Variants in FBXL20 observed in about 807,000 individuals in gnomAD.
FBXL20 encodes the protein F-box and leucine rich repeat protein 20.
Under a neutral mutation model 64.0 loss-of-function variants are expected in FBXL20, and 11 were observed. That is an observed-to-expected ratio of 0.17 (90% CI 0.11 to 0.28). FBXL20 has a LOEUF of 0.28. FBXL20 is among the 10% of genes least tolerant of loss of function. The pLI is 1.00. For missense variants in FBXL20, 303 were observed against 526.2 expected (o/e 0.58, Z 4.15); for synonymous variants, 184 against 189.0 (o/e 0.97, Z 0.22).
At chr17:39,358,500 T>C (rs376414418) in intron 1 of FBXL20, among the ~76,000 whole-genome samples, 9 of 152,074 alleles carry the variant, frequency 5.9e-5, no homozygotes, top group Admixed American at 3.3e-4. Flanking sequence ...CTGGCCAACA[T>C]GGCGAAACCC....
At chr17:39,327,845 C>T (rs967906945) in intron 2 of FBXL20, among the ~76,000 whole-genome samples, 9 of 152,044 alleles carry the variant, frequency 5.9e-5, no homozygotes, top group Non-Finnish European at 1.2e-4. Flanking sequence ...GGACTATAGG[C>T]GCCTGCCACC....
chr17:39,402,217 C>A, upstream of FBXL20: 3 of 1,232,074 alleles, frequency 2.4e-6, no homozygotes, highest in Non-Finnish European at 3.0e-6. Flanking sequence ...CTGCTCGGAG[C>A]CATTTTCCTC....
intron 2 of FBXL20, among the ~76,000 whole-genome samples, chr17:39,310,668 G>C (rs990314002): frequency 6.6e-6 from 1 of 151,888 alleles, no homozygotes; most frequent in Non-Finnish European, 1.5e-5. Context: ...GGGCAACACG[G>C]TGAGACCCTA....
chr17:39,349,346 A>G (rs1020527308), intron 1 of FBXL20, among the ~76,000 whole-genome samples: 3 of 148,388 alleles, frequency 2.0e-5, no homozygotes, highest in Admixed American at 6.7e-5. Flanking sequence ...AAAAAAAAAA[A>G]AAAAAAGGCT....
chr17:39,267,563 A>T (rs940230569), intron 12 of FBXL20, among the ~76,000 whole-genome samples: 2 of 152,222 alleles, frequency 1.3e-5, no homozygotes, highest in African/African-American at 4.8e-5. Flanking sequence ...ACTACTCAGT[A>T]TCGATAACTT....
chr17:39,308,876 A>T (rs573144923), intron 2 of FBXL20, among the ~76,000 whole-genome samples: 3 of 152,074 alleles, frequency 2.0e-5, no homozygotes, highest in South Asian at 2.1e-4. Flanking sequence ...ACAATAAAAA[A>T]TTTTTTAAAA....
chr17:39,374,672 C>T (rs2047950002), intron 1 of FBXL20, among the ~76,000 whole-genome samples: 1 of 152,186 alleles, frequency 6.6e-6, no homozygotes, highest in South Asian at 2.1e-4. Context: ...ACTAATTATA[C>T]ATCTTCTAAA....
In FBXL20 at chr17:39,258,602, T is replaced by C. The variant is rs2046715353; in HGVS notation, c.*2858A>G. On this transcript the variant is annotated 3_prime_UTR_variant, in exon 15 of 15. Coordinates refer to ENST00000264658, the MANE Select transcript of FBXL20 (RefSeq NM_032875.3). ...ATATCCTTTGAGCAGAGAAACAGCA[T>C]TTCCAAGATCATCATGAACTGATGA... is the stretch of plus-strand genomic sequence containing the variant. 1.3e-5 allele frequency: 2 copies of C among 152,230 alleles called. No homozygotes were observed. The highest frequency in any genetic ancestry group is 4.8e-5 in the African/African-American group (2 of 41,468). The allele number at this position is 152,230 out of a possible 1,614,324, so 9.4% of individuals were successfully genotyped here. A position where few individuals can be genotyped will look rare whatever the true frequency, so the allele number is the denominator to read the frequency against.
At position 39,253,077 on chromosome 17, in the gene FBXL20, T is replaced by C. The variant is rs955177664; in HGVS notation, c.*8383A>G. ...CTTGGGAAGGAGGGAATCAGACCCT[T>C]CAGGTCAACCACCTCTGCATTTTAC... is the stretch of plus-strand genomic sequence containing the variant. On this transcript the variant is annotated 3_prime_UTR_variant, in exon 15 of 15. Coordinates refer to ENST00000264658, the MANE Select transcript of FBXL20 (RefSeq NM_032875.3). 3 of 152,578 alleles carry C rather than the reference T, an allele frequency of 2.0e-5. No individual in the cohort carries two copies. Among genetic ancestry groups the C allele is most frequent in the African/African-American group, 7.2e-5 (3 of 41,450 alleles). The allele number at this position is 152,578 out of a possible 1,614,324, so 9.5% of individuals were successfully genotyped here. A position where few individuals can be genotyped will look rare whatever the true frequency, so the allele number is the denominator to read the frequency against.
intron 1 of FBXL20, among the ~76,000 whole-genome samples, chr17:39,398,672 G>GC (rs1050031763): frequency 1.5e-4 from 23 of 150,252 alleles, no homozygotes; most frequent in Non-Finnish European, 2.8e-4. Flanking sequence ...CACCCTCGTT[G>GC]TTTTTTGTTT....
intron 14 of FBXL20, among the ~76,000 whole-genome samples, chr17:39,262,194 G>A (rs2046752731): frequency 6.6e-6 from 1 of 152,136 alleles, no homozygotes; most frequent in African/African-American, 2.4e-5. Flanking sequence ...CTGAAGAGGG[G>A]AAGAGGAACT....
At chr17:39,262,158 G>A (rs2046752388) in intron 14 of FBXL20, among the ~76,000 whole-genome samples, 1 of 152,066 alleles carries the variant, frequency 6.6e-6, no homozygotes, top group African/African-American at 2.4e-5. Flanking sequence ...CACCCCCAGT[G>A]CAATTATGCT....
chr17:39,346,237 G>A (rs1429762686), intron 1 of FBXL20, among the ~76,000 whole-genome samples: 1 of 151,926 alleles, frequency 6.6e-6, no homozygotes, highest in East Asian at 1.9e-4. Context: ...TGGTGGGGGG[G>A]TGCTGGGGTG....
At chr17:39,315,298 C>G (rs2047275160) in intron 2 of FBXL20, among the ~76,000 whole-genome samples, 1 of 151,494 alleles carries the variant, frequency 6.6e-6, no homozygotes, top group South Asian at 2.1e-4. Context: ...TGTTGAGCAT[C>G]TTTTCACGTG....
chr17:39,293,830 AT>A (rs11376729), intron 6 of FBXL20, among the ~76,000 whole-genome samples: 104 of 146,510 alleles, frequency 7.1e-4, no homozygotes, highest in South Asian at 1.1e-3. Flanking sequence ...TGTAGCCTTT[AT>A]TTTTTTTTTT....
intron 9 of FBXL20, among the ~76,000 whole-genome samples, chr17:39,275,806 GAA>G (rs1288038434): frequency 6.6e-6 from 1 of 151,970 alleles, no homozygotes; most frequent in African/African-American, 2.4e-5. Context: ...ATAAGTTAGT[GAA>G]AAAAATTAAA....
chr17:39,388,405 G>A (rs1193113570), intron 1 of FBXL20, among the ~76,000 whole-genome samples: 1 of 151,674 alleles, frequency 6.6e-6, no homozygotes, highest in Non-Finnish European at 1.5e-5. Context: ...GTTGCAGTGA[G>A]CCAAGATCGC....
chr17:39,315,280 G>C (rs755431770), intron 2 of FBXL20, among the ~76,000 whole-genome samples: 8 of 151,750 alleles, frequency 5.3e-5, no homozygotes, highest in Non-Finnish European at 1.0e-4. Context: ...TTCCCTGATG[G>C]CTAATGATGT....
At chr17:39,296,665 T>G (rs976883510) in intron 6 of FBXL20, among the ~76,000 whole-genome samples, 1 of 151,796 alleles carries the variant, frequency 6.6e-6, no homozygotes, top group Non-Finnish European at 1.5e-5. Flanking sequence ...GGATGAAGAA[T>G]TAAGCTTAAT....
Sources: gnomAD v4.1 joint callset for allele counts (sites outside exome capture counted in the v4.1 genomes callset) on GRCh38, gnomAD v4.1.1 for gene constraint, MANE v1.5 for transcripts, NCBI Gene and HGNC (gene_info 2026-07-23, HGNC 2026-07-21) for gene names.